ADAM22: variants seen among roughly 807,000 people sequenced by gnomAD.
ADAM22 encodes disintegrin and metalloproteinase domain-containing protein 22.
A neutral mutation model predicts 144.6 loss-of-function variants in ADAM22; 65 were observed. That is an observed-to-expected ratio of 0.45 (90% confidence interval 0.37 to 0.55). ADAM22 has a LOEUF of 0.55. ADAM22 is among the 20% of genes least tolerant of loss of function. The pLI, the probability that ADAM22 is intolerant of heterozygous loss-of-function variation, is 0.00. For missense variants in ADAM22, 974 were observed against 1,184.9 expected, an observed-to-expected ratio of 0.82 and a Z score of 2.61; for synonymous variants, 391 against 412.6, an observed-to-expected ratio of 0.95 and a Z score of 0.63.
intron 5 of ADAM22, among the ~76,000 whole-genome samples, chr7:88,110,989 C>G (rs1427792662): frequency 6.8e-6 from 1 of 147,634 alleles, no homozygotes; most frequent in Non-Finnish European, 1.5e-5. Flanking sequence ...GATCCGCCCA[C>G]CTCAGCCTCC....
At chr7:87,934,637 C>A in intron 1 of ADAM22, 87 bp downstream of exon 1, 1 of 1,277,412 alleles carries the variant, frequency 7.8e-7, no homozygotes, top group Non-Finnish European at 1.1e-6. Flanking sequence ...GGGGGCATCC[C>A]CATTTCCCGA....
chr7:87,934,573 C>A, intron 1 of ADAM22, 23 bp downstream of exon 1: 1 of 1,596,204 alleles, frequency 6.3e-7, no homozygotes, highest in Non-Finnish European at 8.5e-7. Flanking sequence ...TCCTCTGTGC[C>A]TTTGGGCCAT....
intron 4 of ADAM22, among the ~76,000 whole-genome samples, chr7:88,077,548 C>T (rs537017963): frequency 2.0e-5 from 3 of 152,314 alleles, no homozygotes; most frequent in South Asian, 2.1e-4. Flanking sequence ...TGCGAGGCAT[C>T]GCCTCACCTG....
At chr7:88,109,896 A>G (rs1386825455) in intron 5 of ADAM22, among the ~76,000 whole-genome samples, 1 of 152,180 alleles carries the variant, frequency 6.6e-6, no homozygotes, top group Admixed American at 6.5e-5. Flanking sequence ...TCTTAAATCT[A>G]GGAAAGAGAG....
rs113227512 is a variant in ADAM22 at position 87,977,228 on chromosome 7, A to T, written c.247-1108A>T. On this transcript the variant is annotated intron_variant, in intron 2 of 31. Transcript: ENST00000413139. ...AACAGAAGAATTATCCTTTCTTTCC[A>T]AAAAGTCTTATTATTATTAATCAGA... Among the ~76,000 whole-genome samples the T allele has an allele frequency of 7.2e-3, 1,089 of 152,290 alleles. 6 individuals are homozygous for T. The highest frequency in any genetic ancestry group is 0.025 in the African/African-American group (1,042 of 41,564).
At chr7:88,120,492 C>A (rs1366072158) in intron 7 of ADAM22, among the ~76,000 whole-genome samples, 1 of 152,144 alleles carries the variant, frequency 6.6e-6, no homozygotes, top group Non-Finnish European at 1.5e-5. Flanking sequence ...CACATCTTGA[C>A]CAACATTTGC....
chr7:88,056,980 T>C (rs1210167516), intron 3 of ADAM22, among the ~76,000 whole-genome samples: 1 of 152,208 alleles, frequency 6.6e-6, no homozygotes, highest in Non-Finnish European at 1.5e-5. Flanking sequence ...TCAAAACTTA[T>C]ACAGCCAAGT....
intron 3 of ADAM22, among the ~76,000 whole-genome samples, chr7:88,001,640 G>A (rs1792584227): frequency 6.6e-6 from 1 of 152,006 alleles, no homozygotes; most frequent in African/African-American, 2.4e-5. Flanking sequence ...ATTCCAAAAT[G>A]AGAGGATGGC....
chr7:88,186,169 A>C (rs752014438), intron 29 of ADAM22: 2 of 193,912 alleles, frequency 1.0e-5, no homozygotes, highest in Non-Finnish European at 2.1e-5. Flanking sequence ...TGTTCCTTTT[A>C]ATTGTTCTTA....
chr7:88,128,697 T>G, intron 9 of ADAM22, 21 bp downstream of exon 9: 1 of 1,603,126 alleles, frequency 6.2e-7, no homozygotes, highest in Non-Finnish European at 8.5e-7. Context: ...CTGTTGTTTT[T>G]AAGCCTGTTT....
chr7:88,141,802 T>C (rs1242615744), intron 14 of ADAM22, among the ~76,000 whole-genome samples: 5 of 152,158 alleles, frequency 3.3e-5, no homozygotes, highest in Non-Finnish European at 7.4e-5. Context: ...CAGTTCTTAC[T>C]GTTGAACATT....
intron 2 of ADAM22, among the ~76,000 whole-genome samples, chr7:87,970,242 CAT>C (rs3086406): frequency 2.0e-5 from 3 of 150,580 alleles, no homozygotes; most frequent in African/African-American, 2.4e-5. Context: ...ATATACAAGC[CAT>C]ATATATATAT....
intron 3 of ADAM22, among the ~76,000 whole-genome samples, chr7:88,037,343 T>G (rs1315806032): frequency 1.3e-5 from 2 of 152,172 alleles, no homozygotes; most frequent in East Asian, 1.9e-4. Flanking sequence ...ATTTTAATTC[T>G]TATTCTTCAT....
chr7:88,084,833 T>C (rs1817971791), intron 4 of ADAM22, among the ~76,000 whole-genome samples: 1 of 152,240 alleles, frequency 6.6e-6, no homozygotes, highest in South Asian at 2.1e-4. Context: ...AATAGAAATG[T>C]ATGTTCTCTC....
At chr7:88,044,043 G>C (rs1230813218) in intron 3 of ADAM22, among the ~76,000 whole-genome samples, 1 of 152,164 alleles carries the variant, frequency 6.6e-6, no homozygotes, top group Non-Finnish European at 1.5e-5. Context: ...TAAATCCAAA[G>C]AGAAGTACTT....
rs139848961 is a variant in ADAM22, at chr7:88,022,893, C to G, written c.323+44481C>G. Among the ~76,000 whole-genome samples the G allele has an allele frequency of 3.9e-3, 594 of 152,222 alleles. 5 individuals carry two copies. Among genetic ancestry groups the G allele is most frequent in the African/African-American group, 0.014 (575 of 41,552 alleles). ...GCAGCATTTAAAAGATTTTTCTTTT[C>G]TCTTTCAAAAGGCACACACAAACTA... On this transcript the variant is annotated intron_variant, in intron 3 of 31. Transcript: ENST00000413139.
chr7:88,153,959 A>G (rs1477668116), intron 21 of ADAM22, among the ~76,000 whole-genome samples: 1 of 152,154 alleles, frequency 6.6e-6, no homozygotes, highest in Non-Finnish European at 1.5e-5. Context: ...TTTACTGTCA[A>G]TTCTTTGTTG....
intron 4 of ADAM22, among the ~76,000 whole-genome samples, chr7:88,102,565 C>T (rs765819512): frequency 2.0e-5 from 3 of 152,162 alleles, no homozygotes; most frequent in Non-Finnish European, 4.4e-5. Context: ...TTCTGAAGTG[C>T]AACCAAGGTT....
chr7:87,935,214 C>G, intron 2 of ADAM22, 28 bp downstream of exon 2: 1 of 1,545,652 alleles, frequency 6.5e-7, no homozygotes, highest in South Asian at 1.2e-5. Flanking sequence ...GGAGGTGGTC[C>G]TCCGCGCCTC....
Sources: allele counts gnomAD v4.1 joint callset (sites outside exome capture counted in the v4.1 genomes callset), GRCh38; gene constraint gnomAD v4.1.1; transcripts MANE v1.5; gene names NCBI Gene and HGNC (gene_info 2026-07-23, HGNC 2026-07-21).